ANGPT1: variants seen among roughly 807,000 people sequenced by gnomAD.
The protein encoded by ANGPT1 is angiopoietin-1.
A neutral mutation model predicts 62.2 loss-of-function variants in ANGPT1; 17 were observed. That is an observed-to-expected ratio of 0.27 (90% CI 0.19 to 0.41). The LOEUF (loss-of-function observed/expected upper bound fraction) is 0.41. Ranked by LOEUF, ANGPT1 falls within the 10% of genes least tolerant of loss-of-function variation. The pLI, the probability that ANGPT1 is intolerant of heterozygous loss-of-function variation, is 1.00. For synonymous variants in ANGPT1, 199 were observed against 198.9 expected (o/e 1.00, Z 0.00); for missense variants, 478 against 594.9 (o/e 0.80, Z 2.04).
chr8:107,371,232 T>C (rs568175850), intron 1 of ANGPT1, among the ~76,000 whole-genome samples: 1 of 152,316 alleles, frequency 6.6e-6, no homozygotes, highest in Admixed American at 6.5e-5. Flanking sequence ...TGTTTACTTT[T>C]AGGCTTTCAA....
intron 1 of ANGPT1, among the ~76,000 whole-genome samples, chr8:107,496,975 G>C (rs1220906433): frequency 2.0e-5 from 3 of 152,138 alleles, no homozygotes; most frequent in Admixed American, 6.5e-5. Flanking sequence ...TTTTGACAGA[G>C]AGAACCTTAA....
chr8:107,473,281 C>T (rs1812411979), intron 1 of ANGPT1, among the ~76,000 whole-genome samples: 1 of 152,024 alleles, frequency 6.6e-6, no homozygotes, highest in Admixed American at 6.6e-5. Flanking sequence ...AAAGCATGCA[C>T]AGTCTTAATA....
intron 7 of ANGPT1, among the ~76,000 whole-genome samples, chr8:107,276,932 T>G (rs909926741): frequency 6.6e-6 from 1 of 152,208 alleles, no homozygotes; most frequent in Non-Finnish European, 1.5e-5. Flanking sequence ...GTTCATCTCT[T>G]CATGTGGAAT....
chr8:107,307,952 C>T (rs1184148648), intron 4 of ANGPT1, among the ~76,000 whole-genome samples: 1 of 152,150 alleles, frequency 6.6e-6, no homozygotes, highest in Non-Finnish European at 1.5e-5. Flanking sequence ...ATTAGTCCCA[C>T]TATCCTTCTC....
At chr8:107,282,197 A>G (rs997871889) in intron 7 of ANGPT1, among the ~76,000 whole-genome samples, 1 of 151,914 alleles carries the variant, frequency 6.6e-6, no homozygotes, top group African/African-American at 2.4e-5. Context: ...ATGAGTTCTC[A>G]TTTCCCATTT....
At chr8:107,364,234 A>G (rs1002660451) in intron 1 of ANGPT1, among the ~76,000 whole-genome samples, 5 of 152,192 alleles carry the variant, frequency 3.3e-5, no homozygotes, top group Admixed American at 1.3e-4. Flanking sequence ...TAAATAAAGA[A>G]ATGCTAAATC....
rs530514031 is a variant in ANGPT1, at chr8:107,487,531, G to A, written c.297+9731C>T. On this transcript the variant is annotated intron_variant, in intron 1 of 8. Coordinates refer to ENST00000517746, the MANE Select transcript of ANGPT1 (RefSeq NM_001146.5). The stretch of plus-strand genomic sequence containing the variant: ...CACACCATCAGTATATTAAGCGGCC[G>A]TGCGTCATTCATCTGCTAAAAAAAA... 8.2e-4 allele frequency among the ~76,000 whole-genome samples: 123 copies of A among 149,878 alleles called. 4 individuals carry two copies. In the South Asian group the frequency reaches 0.025, roughly 30 times the overall value.
intron 1 of ANGPT1, among the ~76,000 whole-genome samples, chr8:107,386,996 T>A (rs148464467): frequency 3.5e-4 from 54 of 152,236 alleles, no homozygotes; most frequent in African/African-American, 1.2e-3. Flanking sequence ...ACTGTGCTAA[T>A]GCTAGGTTAC....
rs371089829 is a variant in ANGPT1, at chr8:107,370,659, C to T, written c.298-23562G>A. 5.3e-4 allele frequency among the ~76,000 whole-genome samples: 69 copies of T among 130,104 alleles called. No individual in the cohort carries two copies. In the South Asian group the frequency reaches 0.013, roughly 25 times the overall value. 85.4% of individuals were successfully genotyped at this position (130,104 alleles called of 152,430 possible). A position where few individuals can be genotyped will look rare whatever the true frequency, so the allele number is the denominator to read the frequency against. ...TAGAGGTTGCAGTGAGCTGAGATCACGCCACTGCACTCCAGCCTGGGTGAC... is the reference window on the plus strand; with the variant it reads ...TAGAGGTTGCAGTGAGCTGAGATCATGCCACTGCACTCCAGCCTGGGTGAC... On this transcript the variant is annotated intron_variant, in intron 1 of 8. Transcript: ENST00000517746.
intron 3 of ANGPT1, among the ~76,000 whole-genome samples, chr8:107,327,944 G>A (rs1815328756): frequency 6.6e-6 from 1 of 151,946 alleles, no homozygotes; most frequent in African/African-American, 2.4e-5. Flanking sequence ...ACATCTTATT[G>A]GAAATATTTC....
chr8:107,288,398 A>C (rs17295268), intron 6 of ANGPT1, among the ~76,000 whole-genome samples: 45,241 of 151,880 alleles, frequency 0.3, 7,629 homozygotes, highest in Admixed American at 0.4. Context: ...GAGTTTTAGG[A>C]GCTACACAAG....
At chr8:107,303,618 C>CT (rs898577845) in intron 4 of ANGPT1, among the ~76,000 whole-genome samples, 10 of 150,942 alleles carry the variant, frequency 6.6e-5, no homozygotes, top group Admixed American at 6.0e-4. Flanking sequence ...TTTCTTAATT[C>CT]TTTTTTTTCT....
At chr8:107,461,192 T>C (rs1467291410) in intron 1 of ANGPT1, among the ~76,000 whole-genome samples, 3 of 152,180 alleles carry the variant, frequency 2.0e-5, no homozygotes, top group Non-Finnish European at 4.4e-5. Flanking sequence ...AGGCTTGACC[T>C]ACAGACCCTT....
chr8:107,340,941 T>C (rs538833666), intron 2 of ANGPT1, among the ~76,000 whole-genome samples: 234 of 152,298 alleles, frequency 1.5e-3, no homozygotes, highest in Non-Finnish European at 2.7e-3. Context: ...GAATTAAGGT[T>C]GATACATGCA....
rs1554586919 is a variant in ANGPT1, at chr8:107,370,195, A to AAAGGAAG, written c.298-23099_298-23098insCTTCCTT. Among the ~76,000 whole-genome samples, 5 of 93,258 alleles carry AAAGGAAG rather than the reference A, an allele frequency of 5.4e-5. No individual in the cohort carries two copies. The Admixed American group carries it at 6.2e-4, about 12-fold the overall frequency. The allele number at this position is 93,258 out of a possible 152,430, so 61.2% of individuals were successfully genotyped here. ...GAGAAAGAAGAAAGAAAGAAAGAAA[A>AAAGGAAG]AAAGAAAGAAAGAAAGAAAGAAAGG... On this transcript the variant is annotated intron_variant, in intron 1 of 8. Transcript: ENST00000517746.
intron 7 of ANGPT1, among the ~76,000 whole-genome samples, chr8:107,272,193 A>C (rs1254788960): frequency 6.6e-6 from 1 of 152,070 alleles, no homozygotes; most frequent in African/African-American, 2.4e-5. Context: ...TGTACACAAA[A>C]GTGTGAAAAA....
chr8:107,361,053 G>A (rs976658561), intron 1 of ANGPT1, among the ~76,000 whole-genome samples: 2 of 151,998 alleles, frequency 1.3e-5, no homozygotes, highest in African/African-American at 2.4e-5. Context: ...TCATCTTCAC[G>A]TGCATATGGA....
chr8:107,424,074 C>T (rs1810973624), intron 1 of ANGPT1, among the ~76,000 whole-genome samples: 1 of 151,710 alleles, frequency 6.6e-6, no homozygotes, highest in Non-Finnish European at 1.5e-5. Context: ...CTCCTGGCCT[C>T]AAGTGATCCG....
intron 6 of ANGPT1, among the ~76,000 whole-genome samples, chr8:107,286,907 AGC>A (rs1167159821): frequency 6.6e-6 from 1 of 152,182 alleles, no homozygotes; most frequent in Non-Finnish European, 1.5e-5. Context: ...TAAGGAGAAG[AGC>A]AAAGCTTACC....
Sources: allele counts gnomAD v4.1 joint callset (sites outside exome capture counted in the v4.1 genomes callset), GRCh38; gene constraint gnomAD v4.1.1; transcripts MANE v1.5; gene names NCBI Gene and HGNC (gene_info 2026-07-23, HGNC 2026-07-21).